SGCD: variants seen among roughly 807,000 people sequenced by gnomAD.
The protein encoded by SGCD is delta-sarcoglycan.
Under a neutral mutation model 36.6 loss-of-function variants are expected in SGCD, and 18 were observed. That is an observed-to-expected ratio of 0.49 (90% CI 0.34 to 0.73). The LOEUF (loss-of-function observed/expected upper bound fraction) is 0.73. SGCD is among the 30% of genes least tolerant of loss of function. The pLI, the probability that SGCD is intolerant of heterozygous loss-of-function variation, is 0.01. For synonymous variants in SGCD, 133 were observed against 130.6 expected (o/e 1.02, Z -0.12); for missense variants, 387 against 346.7 (o/e 1.12, Z -0.92).
At chr5:156,089,363 C>T (rs963569026) in intron 1 of SGCD, among the ~76,000 whole-genome samples, 6 of 152,202 alleles carry the variant, frequency 3.9e-5, no homozygotes, top group Admixed American at 2.6e-4. Flanking sequence ...TTTTCCCCAT[C>T]GATTGCAGTC....
At chr5:156,199,454 G>A (rs1222516149) in intron 3 of SGCD, among the ~76,000 whole-genome samples, 1 of 152,040 alleles carries the variant, frequency 6.6e-6, no homozygotes, top group Non-Finnish European at 1.5e-5. Flanking sequence ...TGCCTCTCAG[G>A]AAATGGGACT....
chr5:156,152,654 T>C (rs1762859878), intron 3 of SGCD, among the ~76,000 whole-genome samples: 1 of 151,796 alleles, frequency 6.6e-6, no homozygotes, highest in Non-Finnish European at 1.5e-5. Context: ...GAAATGGTAG[T>C]ATTTCTTATA....
chr5:156,664,637 T>C (rs2113638891), intron 7 of SGCD, among the ~76,000 whole-genome samples: 1 of 61,720 alleles, frequency 1.6e-5, no homozygotes, highest in Non-Finnish European at 3.1e-5. Context: ...GCCCTATTTC[T>C]TCGGACCTGT....
rs183683881 is a variant in SGCD at position 156,161,382 on chromosome 5, A to G, written c.-44+37363A>G. ...TAGTTCCTCAAATTTCATTCAACCA[A>G]ACACCTTGATAATAGTAATCATAGC... is the stretch of plus-strand genomic sequence containing the variant. On this transcript the variant is annotated intron_variant, in intron 3 of 9. Transcript: ENST00000517913. Among the ~76,000 whole-genome samples, 62 of 151,904 alleles carry G rather than the reference A, an allele frequency of 4.1e-4. 3 individuals are homozygous for G. The highest frequency in any genetic ancestry group is 1.4e-3 in the African/African-American group (59 of 41,156).
At chr5:156,600,054 C>T (rs1373049746) in intron 6 of SGCD, among the ~76,000 whole-genome samples, 1 of 152,130 alleles carries the variant, frequency 6.6e-6, no homozygotes, top group Non-Finnish European at 1.5e-5. Context: ...TGACACATTA[C>T]AGGCAAACAT....
intron 6 of SGCD, among the ~76,000 whole-genome samples, chr5:156,630,443 A>C (rs1762589360): frequency 6.6e-6 from 1 of 152,202 alleles, no homozygotes; most frequent in Non-Finnish European, 1.5e-5. Flanking sequence ...AGTCAACAAT[A>C]AATTAACATT....
the SGCD span, among the ~76,000 whole-genome samples, chr5:155,832,229 G>A: frequency 2.2e-4 from 34 of 152,260 alleles, no homozygotes; most frequent in Admixed American, 1.9e-3. Context: ...TATGAGTGGC[G>A]AGTGGCAGGT....
intron 1 of SGCD, among the ~76,000 whole-genome samples, chr5:156,328,465 G>A (rs1239304672): frequency 6.6e-6 from 1 of 152,072 alleles, no homozygotes; most frequent in Non-Finnish European, 1.5e-5. Flanking sequence ...GACAACAGGT[G>A]TGCATTTACT....
intron 7 of SGCD, chr5:156,703,980 A>T (rs1285898428): frequency 6.6e-6 from 1 of 152,180 alleles, no homozygotes; most frequent in East Asian, 1.9e-4. Context: ...GACACTTATC[A>T]GTGAGAACTC....
At chr5:156,578,358 A>G (rs1760074318) in intron 4 of SGCD, among the ~76,000 whole-genome samples, 1 of 152,308 alleles carries the variant, frequency 6.6e-6, no homozygotes, top group Admixed American at 6.5e-5. Flanking sequence ...CATCAGGGAT[A>G]TTGGTCTAAA....
At chr5:156,501,399 C>G (rs765428051) in intron 3 of SGCD, among the ~76,000 whole-genome samples, 1 of 152,182 alleles carries the variant, frequency 6.6e-6, no homozygotes, top group African/African-American at 2.4e-5. Flanking sequence ...GGGAAGGAGA[C>G]AAGAGGAAGA....
intron 3 of SGCD, among the ~76,000 whole-genome samples, chr5:156,368,190 C>A (rs1770205747): frequency 6.6e-6 from 1 of 151,916 alleles, no homozygotes; most frequent in Non-Finnish European, 1.5e-5. Flanking sequence ...CTCCCGGGTT[C>A]AAGCAATTCT....
chr5:156,309,963 G>A lies in SGCD; in HGVS notation c.-43-19571G>A, dbSNP rs116270548. Among the ~76,000 whole-genome samples, 957 of 152,066 alleles carry A rather than the reference G, an allele frequency of 6.3e-3. 9 individuals are homozygous for A. The highest frequency in any genetic ancestry group is 0.018 in the African/African-American group (755 of 41,470). ...ATTTTTTGTTGAAAAATGAACATTT[G>A]AATCTAATAATGAGGAAAATCTGGA... On this transcript the variant is annotated intron_variant, in intron 3 of 9. Coordinates refer to the SGCD transcript ENST00000517913.
chr5:156,565,940 T>A (rs1187271361), intron 4 of SGCD, among the ~76,000 whole-genome samples: 3 of 152,246 alleles, frequency 2.0e-5, no homozygotes, highest in Admixed American at 2.0e-4. Flanking sequence ...CTTTATCCAG[T>A]CTACCACTGA....
At chr5:156,518,664 A>G (rs984287141) in intron 4 of SGCD, among the ~76,000 whole-genome samples, 1 of 152,224 alleles carries the variant, frequency 6.6e-6, no homozygotes, top group Non-Finnish European at 1.5e-5. Flanking sequence ...CTCTCAGACC[A>G]TAGCTCAATT....
chr5:156,321,215 C>T (rs1179478595), intron 3 of SGCD, among the ~76,000 whole-genome samples: 10 of 152,078 alleles, frequency 6.6e-5, no homozygotes, highest in East Asian at 1.9e-4. Flanking sequence ...GTCAGAAGAT[C>T]GAGACCATCC....
chr5:156,691,812 A>G (rs1326822288), intron 7 of SGCD, among the ~76,000 whole-genome samples: 1 of 152,230 alleles, frequency 6.6e-6, no homozygotes, highest in African/African-American at 2.4e-5. Flanking sequence ...GAATATCTGC[A>G]TATGCTAGAT....
intron 6 of SGCD, among the ~76,000 whole-genome samples, chr5:156,641,224 CAT>C (rs1763015031): frequency 6.6e-6 from 1 of 152,168 alleles, no homozygotes; most frequent in Non-Finnish European, 1.5e-5. Flanking sequence ...CTACAACTAA[CAT>C]ATGTGCTGTA....
At chr5:155,923,714 ATATTTCTTTACCAAGAACACTTAG>A (rs1756936258) in intron 1 of SGCD, among the ~76,000 whole-genome samples, 1 of 152,210 alleles carries the variant, frequency 6.6e-6, no homozygotes, top group South Asian at 2.1e-4. Context: ...AATGCCAGCA[ATATTTCTTTACCAAGAACACTTAG>A]TATTTGTTTA....
Sources: gnomAD v4.1 joint callset for allele counts (sites outside exome capture counted in the v4.1 genomes callset) on GRCh38, gnomAD v4.1.1 for gene constraint, MANE v1.5 for transcripts, NCBI Gene and HGNC (gene_info 2026-07-23, HGNC 2026-07-21) for gene names.